The following BMP1 variants were observed in gnomAD, a reference collection of about 807,000 sequenced individuals.
The protein encoded by BMP1 is bone morphogenetic protein 1, also known as mammalian tolloid protein.
A neutral mutation model predicts 116.8 loss-of-function variants in BMP1; 63 were observed. That is an observed-to-expected ratio of 0.54 (90% CI 0.44 to 0.67). The LOEUF is 0.67. Ranked by LOEUF, BMP1 falls within the 30% of genes least tolerant of loss-of-function variation. The pLI, the probability that BMP1 is intolerant of heterozygous loss-of-function variation, is 0.00. For synonymous variants in BMP1, 536 were observed against 533.4 expected (o/e 1.00, Z -0.07); for missense variants, 1,183 against 1,358.9 (o/e 0.87, Z 2.04).
At chr8:22,172,095 T>C (rs1828294797) in intron 1 of BMP1, among the ~76,000 whole-genome samples, 1 of 152,190 alleles carries the variant, frequency 6.6e-6, no homozygotes, top group Non-Finnish European at 1.5e-5. Flanking sequence ...TGAGGCCAAC[T>C]GGGGAGGAGA....
At chr8:22,193,049 T>C (rs1489863710) in intron 9 of BMP1, among the ~76,000 whole-genome samples, 1 of 152,156 alleles carries the variant, frequency 6.6e-6, no homozygotes, top group African/African-American at 2.4e-5. Context: ...AAGATGGGAG[T>C]TTCTTTTTCA....
At position 22,168,459 on chromosome 8, in the gene BMP1, G is replaced by C. The variant is rs530080910; in HGVS notation, c.148+2906G>C. Among the ~76,000 whole-genome samples the C allele has an allele frequency of 4.0e-3, 607 of 152,290 alleles. 5 individuals are homozygous for C. Among genetic ancestry groups the C allele is most frequent in the African/African-American group, 0.014 (576 of 41,548 alleles). ...CAAAATCAGAGAAGCCCAGGGGCCT[G>C]ACCCCACAGGGGTGGGGCTAGAAGC... On this transcript the variant is annotated intron_variant, in intron 1 of 19. Transcript: ENST00000306385.
In BMP1 at chr8:22,194,852, C is replaced by T. The variant is rs1220622255; in HGVS notation, c.1572C>T (p.Arg524=). ...KPDDIKSTSS[R]LWLKFVSDGS... is the part of the protein sequence containing the mutation. ...ATGACATCAAGAGCACGTCCAGCCGCCTCTGGCTCAAGTTCGTCTCTGACG... is the reference window on the plus strand; with the variant it reads ...ATGACATCAAGAGCACGTCCAGCCGTCTCTGGCTCAAGTTCGTCTCTGACG... The change falls in exon 12 of 20, where the codon CGC becomes CGT. Residue 524 remains arginine, a synonymous_variant. Transcript: ENST00000306385. This position sits in a 1 kb window ranked among gnomAD's most constrained non-coding sequence, Gnocchi z 4.5. 6.2e-7 allele frequency: 1 copy of T among 1,614,040 alleles called. No homozygotes were observed. Among genetic ancestry groups the T allele is most frequent in the Non-Finnish European group, 8.5e-7 (1 of 1,180,034 alleles).
rs753974583 is a variant in BMP1, at chr8:22,194,550, C to G, written c.1403C>G (p.Ser468Cys). The G allele has an allele frequency of 6.2e-7, 1 of 1,614,212 alleles. No homozygotes were observed. The highest frequency in any genetic ancestry group is 8.5e-7 in the Non-Finnish European group (1 of 1,180,032). The change falls in exon 11 of 20, where the codon TCT (serine) becomes TGT (cysteine). Residue 468 changes from serine (S) to cysteine (C), a missense_variant. This residue lies in a region of BMP1 where 956 missense variants were observed against 1,135.2 expected (regional missense o/e 0.84). Transcript: ENST00000306385. The surrounding 1 kb of genome is among the most constrained non-coding windows in gnomAD (Gnocchi z 4.5). The part of the protein sequence containing the change: ...SKVCIWRIQV[S>C]EGFHVGLTFQ... ...GTCTGCATCTGGCGGATCCAGGTGT[C>G]TGAGGGCTTCCACGTGGGCCTCACA...
Position 22,195,590 on chromosome 8 carries a change from G to C in BMP1, c.1765+3G>C. ...CCCAGACAAGCGCCGCTGTGAGGGT[G>C]AGTGCCCCCAGACTGCCTCTGACCC... On this transcript the variant is annotated splice_donor_region_variant and intron_variant, in intron 13 of 19. Transcript: ENST00000306385. The C allele has an allele frequency of 6.2e-7, 1 of 1,611,474 alleles. No individual in the cohort carries two copies. Among genetic ancestry groups the C allele is most frequent in the East Asian group, 2.2e-5 (1 of 44,732 alleles).
chr8:22,179,526 G>C lies in BMP1; in HGVS notation c.837-179G>C, dbSNP rs1420876081. ...TGGTGTGGCTGCCACGGAGCAGGGTGGCTGCTGGTCAGTGGGTAGCATAAT... is the reference window on the plus strand; with the variant it reads ...TGGTGTGGCTGCCACGGAGCAGGGTCGCTGCTGGTCAGTGGGTAGCATAAT... On this transcript the variant is annotated intron_variant, in intron 6 of 19. Coordinates refer to ENST00000306385, the MANE Select transcript of BMP1 (RefSeq NM_006129.5). The surrounding 1 kb of genome is among the most constrained non-coding windows in gnomAD (Gnocchi z 4.6). 6.6e-6 allele frequency among the ~76,000 whole-genome samples: 1 copy of C among 152,194 alleles called. No homozygotes were observed. The highest frequency in any genetic ancestry group is 1.5e-5 in the Non-Finnish European group (1 of 68,018).
intron 16 of BMP1, 73 bp from the exon 17 acceptor site, chr8:22,206,781 A>G: frequency 6.3e-7 from 1 of 1,591,004 alleles, no homozygotes; most frequent in East Asian, 2.2e-5. Flanking sequence ...GCAGGAGGGA[A>G]GGGCCTTCCC....
At chr8:22,199,594 C>T (rs1276238888) in intron 15 of BMP1, among the ~76,000 whole-genome samples, 1 of 152,226 alleles carries the variant, frequency 6.6e-6, no homozygotes, top group Non-Finnish European at 1.5e-5. Flanking sequence ...TTTACCCCTG[C>T]TGTGTACCAG....
At position 22,195,495 on chromosome 8, in the gene BMP1, G is replaced by C; in HGVS notation, c.1673G>C (p.Gly558Ala). The C allele has an allele frequency of 6.2e-7, 1 of 1,611,928 alleles. No homozygotes were observed. Among genetic ancestry groups the C allele is most frequent in the Non-Finnish European group, 8.5e-7 (1 of 1,179,544 alleles). Residue 558 changes from glycine to alanine, a missense_variant, in exon 13 of 20, where the codon GGC becomes GCC. Transcript: ENST00000306385. ...VDECSRPNRG[G>A]CEQRCLNTLG... ...GAGTGCTCTCGGCCCAACCGCGGGGGCTGTGAGCAGCGGTGCCTCAACACC... is the reference window on the plus strand; with the variant it reads ...GAGTGCTCTCGGCCCAACCGCGGGGCCTGTGAGCAGCGGTGCCTCAACACC...
chr8:22,194,626 C>T lies in BMP1; in HGVS notation c.1443+36C>T, dbSNP rs757390117. ...GGCCCTGTGATCTGACCTTTGAATC[C>T]AGCAGTTGCTCCCTGGGACAGCTGC... On this transcript the variant is annotated intron_variant, in intron 11 of 19. Transcript: ENST00000306385. This position sits in a 1 kb window ranked among gnomAD's most constrained non-coding sequence, Gnocchi z 4.5. The T allele has an allele frequency of 1.4e-5, 22 of 1,609,890 alleles. No homozygotes were observed. The highest frequency in any genetic ancestry group is 1.7e-4 in the Middle Eastern group (1 of 6,038).
Position 22,195,586 on chromosome 8 carries a change from G to A in BMP1, c.1764G>A (p.Glu588=), listed in dbSNP as rs1450620883. 1 of 1,611,766 alleles carries A rather than the reference G, an allele frequency of 6.2e-7. No individual in the cohort carries two copies. The highest frequency in any genetic ancestry group is 1.7e-5 in the Admixed American group (1 of 59,752). The change falls in exon 13 of 20, where the codon GAG becomes GAA. Residue 588 remains glutamate, a splice_region_variant and synonymous_variant. Transcript: ENST00000306385. ...TGGCCCCAGACAAGCGCCGCTGTGA[G>A]GGTGAGTGCCCCCAGACTGCCTCTG... ...YELAPDKRRC[E]AACGGFLTKL... is the part of the protein sequence containing the mutation.
chr8:22,203,018 T>C (rs1442573872), intron 16 of BMP1, among the ~76,000 whole-genome samples: 1 of 151,724 alleles, frequency 6.6e-6, no homozygotes, highest in Non-Finnish European at 1.5e-5. Context: ...AATAAAAATA[T>C]AAATAAATAA....
chr8:22,196,125 G>A (rs556169207), intron 13 of BMP1: 7 of 502,504 alleles, frequency 1.4e-5, no homozygotes, highest in Non-Finnish European at 2.8e-5. Context: ...GGGTGTTTTC[G>A]GGTTTTTTTT....
chr8:22,200,167 T>A (rs910212376), intron 15 of BMP1, among the ~76,000 whole-genome samples: 10 of 152,228 alleles, frequency 6.6e-5, no homozygotes, highest in Non-Finnish European at 1.2e-4. Context: ...GACCTGAGTG[T>A]ATGTGGCTGC....
intron 6 of BMP1, among the ~76,000 whole-genome samples, chr8:22,178,787 C>G (rs767670846): frequency 6.6e-6 from 1 of 152,016 alleles, no homozygotes; most frequent in South Asian, 2.1e-4. Flanking sequence ...AATGGCACCT[C>G]CCTCCTCCTC....
At chr8:22,195,721 A>C in intron 13 of BMP1, 134 bp downstream of exon 13, 463 of 1,270,080 alleles carry the variant, frequency 3.6e-4, no homozygotes, top group Non-Finnish European at 4.5e-4. Flanking sequence ...ATCTTAGCTC[A>C]CCATAGCCTC....
At chr8:22,197,883 C>A (rs1304079333) in intron 15 of BMP1, among the ~76,000 whole-genome samples, 4 of 152,158 alleles carry the variant, frequency 2.6e-5, no homozygotes, top group Non-Finnish European at 4.4e-5. Context: ...CACACTGGGG[C>A]CTTCAGAAAG....
At position 22,179,850 on chromosome 8, in the gene BMP1, G is replaced by A; in HGVS notation, c.961+21G>A. On this transcript the variant is annotated intron_variant, in intron 7 of 19. Transcript: ENST00000306385. This position sits in a 1 kb window ranked among gnomAD's most constrained non-coding sequence, Gnocchi z 4.6. ...CCCAGGTCAGGGCAGAGAAGGGATG[G>A]GTGAGGGCGTGGAGGGCAGGGCCTG... The A allele has an allele frequency of 6.2e-7, 1 of 1,607,524 alleles. No homozygotes were observed.
At chr8:22,183,514 C>T (rs1225024319) in intron 8 of BMP1, among the ~76,000 whole-genome samples, 1 of 151,966 alleles carries the variant, frequency 6.6e-6, no homozygotes, top group Non-Finnish European at 1.5e-5. Context: ...TTACTCCATC[C>T]TTGGGAAATC....
Sources: gnomAD v4.1 joint callset for allele counts (sites outside exome capture counted in the v4.1 genomes callset) on GRCh38, gnomAD v4.1.1 for gene constraint, gnomAD v4.1.1 regional missense constraint, Gnocchi (gnomAD v3.1) non-coding constraint, MANE v1.5 for transcripts, NCBI Gene and HGNC (gene_info 2026-07-23, HGNC 2026-07-21) for gene names.